U2SURP: variants seen among roughly 807,000 people sequenced by gnomAD.
The protein encoded by U2SURP is U2 snRNP-associated SURP motif-containing protein.
A neutral mutation model predicts 144.9 loss-of-function variants in U2SURP; 9 were observed. That is an observed-to-expected ratio of 0.06 (90% CI 0.04 to 0.11). The LOEUF (loss-of-function observed/expected upper bound fraction) is 0.11. U2SURP is among the 10% of genes least tolerant of loss of function. U2SURP has a pLI of 1.00. For synonymous variants in U2SURP, 408 were observed against 396.8 expected (o/e 1.03, Z -0.33); for missense variants, 724 against 1,226.7 (o/e 0.59, Z 6.12).
chr3:143,056,283 AATTGGG>A, intron 27 of U2SURP, 23 bp from the exon 28 acceptor site: 1 of 1,576,088 alleles, frequency 6.3e-7, no homozygotes, highest in Non-Finnish European at 8.6e-7. Flanking sequence ...GTACTTTATC[AATTGGG>A]ATTTTTTTGT....
rs1209371447 is a variant in U2SURP at position 143,060,477 on chromosome 3, A to G, written c.*4027A>G. 6.6e-6 allele frequency: 1 copy of G among 152,004 alleles called. No individual in the cohort carries two copies. Among genetic ancestry groups the G allele is most frequent in the Non-Finnish European group, 1.5e-5 (1 of 67,878 alleles). 9.4% of individuals were successfully genotyped at this position (152,004 alleles called of 1,614,324 possible). A position where few individuals can be genotyped will look rare whatever the true frequency, so the allele number is the denominator to read the frequency against. ...CATAAAGATTATATAGTTGCAAACA[A>G]AGGTTGTGAAATTTCCCTTTTGTTG... On this transcript the variant is annotated 3_prime_UTR_variant, in exon 28 of 28. Coordinates refer to ENST00000473835, the MANE Select transcript of U2SURP (RefSeq NM_001080415.2).
intron 13 of U2SURP, among the ~76,000 whole-genome samples, chr3:143,025,334 C>T (rs1030388315): frequency 2.0e-5 from 3 of 152,134 alleles, no homozygotes; most frequent in South Asian, 2.1e-4. Flanking sequence ...TTTGAGTGTG[C>T]GTTTTGCCGA....
intron 1 of U2SURP, among the ~76,000 whole-genome samples, chr3:143,009,594 T>A (rs1408783990): frequency 6.6e-6 from 1 of 151,178 alleles, no homozygotes; most frequent in Admixed American, 6.6e-5. Flanking sequence ...TAAGACTCTG[T>A]CTCAAGAAAA....
intron 19 of U2SURP, among the ~76,000 whole-genome samples, 197 bp from the exon 20 acceptor site, chr3:143,035,785 T>G (rs1933778507): frequency 6.6e-6 from 1 of 151,946 alleles, no homozygotes; most frequent in South Asian, 2.1e-4. Context: ...TTTTTAGGGG[T>G]TTTTTTCCTT....
chr3:143,021,229 G>A (rs1255452396), intron 8 of U2SURP, 121 bp from the exon 9 acceptor site: 1 of 1,064,556 alleles, frequency 9.4e-7, no homozygotes, highest in East Asian at 2.6e-5. Flanking sequence ...GTGTGAAGTG[G>A]TCTCTCTTTT....
intron 12 of U2SURP, 100 bp downstream of exon 12, chr3:143,023,164 T>TC: frequency 1.8e-6 from 2 of 1,101,022 alleles, no homozygotes; most frequent in Non-Finnish European, 2.5e-6. Context: ...TGTGTGTAAT[T>TC]CTGTTTGGCA....
At chr3:143,021,297 G>T (rs1936619128) in intron 8 of U2SURP, 53 bp from the exon 9 acceptor site, 1 of 1,543,714 alleles carries the variant, frequency 6.5e-7, no homozygotes. Context: ...GAGGGTAAGG[G>T]GGGACTACTG....
At chr3:143,018,500 G>A (rs1936486166) in intron 6 of U2SURP, among the ~76,000 whole-genome samples, 1 of 152,086 alleles carries the variant, frequency 6.6e-6, no homozygotes, top group Non-Finnish European at 1.5e-5. Context: ...AAATAATGCT[G>A]CTGTAAACAT....
At chr3:143,025,526 T>C (rs1353536476) in intron 13 of U2SURP, among the ~76,000 whole-genome samples, 2 of 152,136 alleles carry the variant, frequency 1.3e-5, no homozygotes, top group African/African-American at 4.8e-5. Context: ...TTAATTTGGC[T>C]CCTATCAGTG....
At chr3:143,031,940 C>A (rs1165858701) in intron 16 of U2SURP, among the ~76,000 whole-genome samples, 1 of 152,158 alleles carries the variant, frequency 6.6e-6, no homozygotes, top group Non-Finnish European at 1.5e-5. Context: ...ATGGCTGCCT[C>A]CTGTTTTGGA....
intron 10 of U2SURP, 93 bp downstream of exon 10, chr3:143,021,648 C>A: frequency 3.3e-6 from 4 of 1,226,552 alleles, no homozygotes; most frequent in Non-Finnish European, 4.6e-6. Context: ...CTGAAGCTGA[C>A]AAATCTGATG....
chr3:143,053,907 CT>C, intron 26 of U2SURP, 113 bp downstream of exon 26: 1 of 916,220 alleles, frequency 1.1e-6, no homozygotes, highest in Non-Finnish European at 1.6e-6. Flanking sequence ...TCATGATAAA[CT>C]TGTTTGGGTC....
intron 23 of U2SURP, among the ~76,000 whole-genome samples, chr3:143,042,394 A>G (rs866552877): frequency 6.6e-6 from 1 of 152,110 alleles, no homozygotes; most frequent in Non-Finnish European, 1.5e-5. Context: ...TAGATTGATT[A>G]TAGGCTCTGC....
rs576223170 is a variant in U2SURP at position 143,003,911 on chromosome 3, C to T, written c.45+2238C>T. Among the ~76,000 whole-genome samples the T allele has an allele frequency of 7.2e-5, 11 of 152,046 alleles. No homozygotes were observed. In the South Asian group the frequency reaches 2.3e-3, roughly 32 times the overall value. On this transcript the variant is annotated intron_variant, in intron 1 of 27. Transcript: ENST00000473835. ...TTCACCATGTTGGCCAGGATGGTCT[C>T]GATCTCTTGACCTCGTGATCCACCC...
intron 25 of U2SURP, among the ~76,000 whole-genome samples, chr3:143,051,598 G>T (rs1389613581): frequency 4.3e-5 from 3 of 69,258 alleles, no homozygotes; most frequent in African/African-American, 2.1e-4. Context: ...TGAGACTGTC[G>T]TTGCAAAAAA....
In U2SURP at chr3:143,042,423, A is replaced by G. The variant is rs1934164212; in HGVS notation, c.2385-694A>G. 2.6e-5 allele frequency among the ~76,000 whole-genome samples: 4 copies of G among 152,238 alleles called. No homozygotes were observed. The South Asian group carries it at 6.2e-4, about 24-fold the overall frequency. On this transcript the variant is annotated intron_variant, in intron 23 of 27. Coordinates refer to ENST00000473835, the MANE Select transcript of U2SURP (RefSeq NM_001080415.2). ...GCTCTGCTGAAGTTACTAAAGGCACACATACAGCTTTTTTTATTTTTAATT... is the reference window on the plus strand; with the variant it reads ...GCTCTGCTGAAGTTACTAAAGGCACGCATACAGCTTTTTTTATTTTTAATT...
chr3:143,055,781 G>A (rs1456702175), intron 27 of U2SURP, among the ~76,000 whole-genome samples: 1 of 152,054 alleles, frequency 6.6e-6, no homozygotes, highest in Non-Finnish European at 1.5e-5. Context: ...GTATGTATAT[G>A]TACATGTATC....
intron 1 of U2SURP, among the ~76,000 whole-genome samples, chr3:143,008,950 G>C (rs1164990573): frequency 3.9e-5 from 6 of 152,170 alleles, no homozygotes; most frequent in South Asian, 4.1e-4. Flanking sequence ...GGTTTCACCA[G>C]GTTTGGCCAG....
At chr3:143,037,544 A>AT (rs920509371) in intron 21 of U2SURP, among the ~76,000 whole-genome samples, 7 of 152,162 alleles carry the variant, frequency 4.6e-5, no homozygotes, top group Admixed American at 3.9e-4. Context: ...AAGAAGAAGC[A>AT]TTTTTTTCTG....
Sources: allele counts gnomAD v4.1 joint callset (sites outside exome capture counted in the v4.1 genomes callset), GRCh38; gene constraint gnomAD v4.1.1; transcripts MANE v1.5; gene names NCBI Gene and HGNC (gene_info 2026-07-23, HGNC 2026-07-21).